CTDSPL: variants seen among roughly 807,000 people sequenced by gnomAD.
CTDSPL encodes the protein CTD small phosphatase like.
A neutral mutation model predicts 30.5 loss-of-function variants in CTDSPL; 8 were observed. The ratio of observed to expected loss-of-function variants is 0.26; its 90% confidence interval spans 0.15 to 0.47. The LOEUF is 0.47. Among genes scored for constraint, CTDSPL ranks in the 20% least tolerant of loss-of-function variants. The pLI is 0.99. For missense variants in CTDSPL, 248 were observed against 366.1 expected (o/e 0.68, Z 2.63); for synonymous variants, 110 against 137.9 (o/e 0.80, Z 1.42).
chr3:37,980,277 G>A (rs1443520685), intron 7 of CTDSPL, among the ~76,000 whole-genome samples: 1 of 152,168 alleles, frequency 6.6e-6, no homozygotes, highest in Non-Finnish European at 1.5e-5. Flanking sequence ...ACTTCTCTTT[G>A]TGATGTAATA....
intron 2 of CTDSPL, among the ~76,000 whole-genome samples, chr3:37,956,459 A>G (rs547602264): frequency 1.8e-4 from 28 of 152,354 alleles, no homozygotes; most frequent in South Asian, 1.7e-3. Context: ...GTTTCCATCA[A>G]TTAGGTTTGG....
At chr3:37,949,140 T>C (rs1699079632) in intron 2 of CTDSPL, among the ~76,000 whole-genome samples, 1 of 152,232 alleles carries the variant, frequency 6.6e-6, no homozygotes, top group African/African-American at 2.4e-5. Flanking sequence ...TTTCTACTTA[T>C]CAAAGATATT....
chr3:37,866,368 A>G (rs1490887260), intron 1 of CTDSPL, among the ~76,000 whole-genome samples: 1 of 152,244 alleles, frequency 6.6e-6, no homozygotes, highest in Non-Finnish European at 1.5e-5. Context: ...TTAGAAATAC[A>G]GAAAAAGTAA....
chr3:37,879,841 G>C (rs1416311574), intron 1 of CTDSPL, among the ~76,000 whole-genome samples: 2 of 152,090 alleles, frequency 1.3e-5, no homozygotes, highest in East Asian at 3.9e-4. Context: ...GGGTTAATAT[G>C]AATATTAAAT....
intron 1 of CTDSPL, among the ~76,000 whole-genome samples, chr3:37,894,735 G>T (rs548631623): frequency 1.3e-5 from 2 of 152,206 alleles, no homozygotes; most frequent in East Asian, 3.9e-4. Flanking sequence ...CTGAGGCTCT[G>T]TTCATTTATT....
intron 1 of CTDSPL, among the ~76,000 whole-genome samples, chr3:37,927,705 T>TATATA (rs1559636058): frequency 6.8e-6 from 1 of 146,890 alleles, no homozygotes; most frequent in African/African-American, 2.5e-5. Context: ...TATATATATA[T>TATATA]AAAAAATGAA....
At chr3:37,891,745 A>G (rs916765239) in intron 1 of CTDSPL, among the ~76,000 whole-genome samples, 1 of 152,220 alleles carries the variant, frequency 6.6e-6, no homozygotes, top group African/African-American at 2.4e-5. Context: ...ACAATAAAAA[A>G]TTTTTAAAAA....
Position 37,862,563 on chromosome 3 carries a change from G to C in CTDSPL, c.79+285G>C, listed in dbSNP as rs577692161. Reference sequence around the variant, plus strand: ...GCGCACGCCCGCAGAGAAGTTGTGAGCCTGTGTGTGCACCTAACACAGAGG... The same window carrying C: ...GCGCACGCCCGCAGAGAAGTTGTGACCCTGTGTGTGCACCTAACACAGAGG... On this transcript the variant is annotated intron_variant, in intron 1 of 7. Transcript: ENST00000273179. The surrounding 1 kb of genome is among the most constrained non-coding windows in gnomAD (Gnocchi z 4.3). 1.3e-5 allele frequency among the ~76,000 whole-genome samples: 2 copies of C among 152,200 alleles called. No individual in the cohort carries two copies. The highest frequency in any genetic ancestry group is 2.4e-5 in the African/African-American group (1 of 41,458).
chr3:37,885,761 G>C (rs1247332290), intron 1 of CTDSPL, among the ~76,000 whole-genome samples: 1 of 152,138 alleles, frequency 6.6e-6, no homozygotes. Flanking sequence ...GAGAAAGTAG[G>C]TTCTGAAGAG....
chr3:37,871,471 C>T (rs1375154873), intron 1 of CTDSPL, among the ~76,000 whole-genome samples: 2 of 152,186 alleles, frequency 1.3e-5, no homozygotes, highest in Middle Eastern at 3.4e-3. Context: ...GGGTAAATAC[C>T]AAGGAACATG....
chr3:37,970,011 T>C (rs1699348742), intron 5 of CTDSPL, among the ~76,000 whole-genome samples: 1 of 152,208 alleles, frequency 6.6e-6, no homozygotes, highest in African/African-American at 2.4e-5. Context: ...TTCAAGGCCC[T>C]AATGTGCCCA....
chr3:37,917,855 C>T (rs577324678), intron 1 of CTDSPL, among the ~76,000 whole-genome samples: 1 of 152,302 alleles, frequency 6.6e-6, no homozygotes, highest in African/African-American at 2.4e-5. Flanking sequence ...TTGTGTTTGA[C>T]AGCAGATATC....
chr3:37,973,473 T>C (rs1218533146), intron 6 of CTDSPL, among the ~76,000 whole-genome samples: 3 of 152,362 alleles, frequency 2.0e-5, no homozygotes, highest in Non-Finnish European at 4.4e-5. Flanking sequence ...TCAACCCTTC[T>C]CTTGCTGCTA....
intron 1 of CTDSPL, among the ~76,000 whole-genome samples, chr3:37,863,083 G>C (rs575379080): frequency 8.5e-5 from 13 of 152,338 alleles, no homozygotes; most frequent in African/African-American, 2.4e-4. Flanking sequence ...TGGAGTCTGG[G>C]GGGGAGAAGA....
intron 3 of CTDSPL, among the ~76,000 whole-genome samples, chr3:37,960,569 CACACACACAA>C (rs1385380985): frequency 1.1e-4 from 13 of 121,584 alleles, no homozygotes; most frequent in African/African-American, 4.2e-4. Context: ...CACACACACA[CACACACACAA>C]TTAGCTGGGT....
chr3:37,964,709 G>A (rs768584020), intron 4 of CTDSPL, 37 bp downstream of exon 4: 1 of 1,473,410 alleles, frequency 6.8e-7, no homozygotes, highest in Non-Finnish European at 9.5e-7. Flanking sequence ...TGATCTTTGT[G>A]ATTTGATAAC....
At chr3:37,871,164 C>A (rs1236711836) in intron 1 of CTDSPL, among the ~76,000 whole-genome samples, 1 of 152,178 alleles carries the variant, frequency 6.6e-6, no homozygotes, top group African/African-American at 2.4e-5. Context: ...TTACTGTCAC[C>A]ATAGATTTGC....
chr3:37,952,213 AAGG>A (rs1218279547), intron 2 of CTDSPL, among the ~76,000 whole-genome samples: 1 of 152,166 alleles, frequency 6.6e-6, no homozygotes, highest in Non-Finnish European at 1.5e-5. Context: ...GAAGGAATGA[AAGG>A]AGAGAGAGAG....
intron 1 of CTDSPL, among the ~76,000 whole-genome samples, chr3:37,909,739 C>G (rs761794239): frequency 1.3e-3 from 194 of 152,340 alleles, no homozygotes; most frequent in Non-Finnish European, 1.6e-3. Flanking sequence ...GATCACGAGG[C>G]TGTGTGACCT....
Sources: allele counts gnomAD v4.1 joint callset (sites outside exome capture counted in the v4.1 genomes callset), GRCh38; gene constraint gnomAD v4.1.1; non-coding constraint Gnocchi (gnomAD v3.1); transcripts MANE v1.5; gene names NCBI Gene and HGNC (gene_info 2026-07-23, HGNC 2026-07-21).